The following SIGLEC15 variants were observed in gnomAD, a reference collection of about 807,000 sequenced individuals.
The protein encoded by SIGLEC15 is sialic acid-binding Ig-like lectin 15.
In SIGLEC15, 31 loss-of-function variants were observed where a neutral mutation model predicts 26.2. The observed-to-expected ratio is 1.18, with a 90% CI of 0.89 to 1.60. The LOEUF (loss-of-function observed/expected upper bound fraction) is 1.60. Among genes scored for constraint, SIGLEC15 ranks in the 40% most tolerant of loss-of-function variants. The pLI is 0.00. For missense variants in SIGLEC15, 501 were observed against 488.4 expected (o/e 1.03, Z -0.24); for synonymous variants, 207 against 221.9 (o/e 0.93, Z 0.60).
intron 1 of SIGLEC15, among the ~76,000 whole-genome samples, chr18:45,833,884 G>A (rs969964800): frequency 6.6e-6 from 1 of 151,968 alleles, no homozygotes; most frequent in African/African-American, 2.4e-5. Flanking sequence ...ATACAGAGGT[G>A]AACAAATTAA....
intron 3 of SIGLEC15, 105 bp downstream of exon 3, chr18:45,838,001 C>CAACG: frequency 7.5e-7 from 1 of 1,328,412 alleles, no homozygotes; most frequent in Non-Finnish European, 9.7e-7. Flanking sequence ...CCAGGAAGGG[C>CAACG]AACGAGACCC....
In SIGLEC15 at chr18:45,840,213, C is replaced by A. The variant is rs765753007; in HGVS notation, c.877C>A (p.His293Asn). 2.5e-6 allele frequency: 4 copies of A among 1,613,126 alleles called. No homozygotes were observed. The highest frequency in any genetic ancestry group is 1.3e-5 in the African/African-American group (1 of 74,878). Reference protein sequence around the residue: ...AARAARRRPEHLDTPDTPPRS... With the variant: ...AARAARRRPENLDTPDTPPRS... ...CTCTCTTGCTGTCCCTCCCACAGAGCATCTGGACACCCCGGACACCCCACC... is the reference window on the plus strand; with the variant it reads ...CTCTCTTGCTGTCCCTCCCACAGAGAATCTGGACACCCCGGACACCCCACC... The change falls in exon 5 of 6, where the codon CAT becomes AAT. Residue 293 changes from histidine to asparagine, a missense_variant and splice_region_variant. By Grantham distance (68) the His-to-Asn change is moderately conservative. Coordinates refer to ENST00000389474, the MANE Select transcript of SIGLEC15 (RefSeq NM_213602.3).
At chr18:45,838,543 A>G in intron 3 of SIGLEC15, 175 bp from the exon 4 acceptor site, 1 of 817,732 alleles carries the variant, frequency 1.2e-6, no homozygotes, top group Non-Finnish European at 1.8e-6. Context: ...GGAGAAGCAG[A>G]AGCAGAGATG....
Position 45,843,373 on chromosome 18 carries a change from T to C in SIGLEC15, c.*1186T>C, listed in dbSNP as rs2048341368. The C allele has an allele frequency of 6.6e-6, 1 of 152,150 alleles. No individual in the cohort carries two copies. The highest frequency in any genetic ancestry group is 2.1e-4 in the South Asian group (1 of 4,826). 9.4% of individuals were successfully genotyped at this position (152,150 alleles called of 1,614,324 possible). On this transcript the variant is annotated 3_prime_UTR_variant, in exon 6 of 6. Coordinates refer to ENST00000389474, the MANE Select transcript of SIGLEC15 (RefSeq NM_213602.3). ...GGGAGAGGAGGGAGGCATGCCTGGG[T>C]CCCAGGTAAGCTGGCAAGAGGAAAG...
intron 4 of SIGLEC15, among the ~76,000 whole-genome samples, chr18:45,839,655 C>G (rs1232427128): frequency 6.6e-6 from 1 of 152,170 alleles, no homozygotes; most frequent in African/African-American, 2.4e-5. Flanking sequence ...TCACACAAGC[C>G]GTGCTGGGAG....
intron 1 of SIGLEC15, among the ~76,000 whole-genome samples, chr18:45,829,936 C>G (rs1485392739): frequency 6.6e-6 from 1 of 152,196 alleles, no homozygotes; most frequent in African/African-American, 2.4e-5. Context: ...TCTGTAAGGG[C>G]ACCCCCTCTG....
intron 1 of SIGLEC15, among the ~76,000 whole-genome samples, chr18:45,831,130 G>A (rs2048231923): frequency 6.6e-6 from 1 of 152,132 alleles, no homozygotes. Flanking sequence ...CACTCTGAGG[G>A]GCATGCCACC....
chr18:45,826,165 G>A (rs1389912647), intron 1 of SIGLEC15, among the ~76,000 whole-genome samples: 1 of 152,154 alleles, frequency 6.6e-6, no homozygotes, highest in Non-Finnish European at 1.5e-5. Flanking sequence ...CACAGCCTGA[G>A]GAAGAAGGGC....
At chr18:45,836,698 T>G (rs1158900346) in intron 1 of SIGLEC15, among the ~76,000 whole-genome samples, 1 of 152,212 alleles carries the variant, frequency 6.6e-6, no homozygotes, top group East Asian at 1.9e-4. Flanking sequence ...CTCAGCTCCC[T>G]CCCTGCCCAG....
intron 1 of SIGLEC15, among the ~76,000 whole-genome samples, chr18:45,836,472 C>A (rs893248490): frequency 2.0e-5 from 3 of 152,092 alleles, no homozygotes; most frequent in Non-Finnish European, 2.9e-5. Flanking sequence ...CTGGCCTTAT[C>A]CTCTGAGGCG....
At chr18:45,836,951 G>A (rs2048280421) in intron 1 of SIGLEC15, 78 bp from the exon 2 acceptor site, 1 of 809,480 alleles carries the variant, frequency 1.2e-6, no homozygotes, top group Admixed American at 1.7e-5. Context: ...CATGCTGGCA[G>A]TGTGACTTCA....
At chr18:45,833,732 C>T (rs1383301930) in intron 1 of SIGLEC15, among the ~76,000 whole-genome samples, 1 of 152,148 alleles carries the variant, frequency 6.6e-6, no homozygotes, top group African/African-American at 2.4e-5. Context: ...GTTGCTGTTG[C>T]TGTTAGTTCA....
intron 4 of SIGLEC15, among the ~76,000 whole-genome samples, chr18:45,839,478 G>A (rs148033513): frequency 3.1e-4 from 47 of 152,242 alleles, no homozygotes; most frequent in African/African-American, 9.6e-4. Context: ...TGCTGTGTGG[G>A]TGCTAGGAAT....
At chr18:45,826,313 A>C (rs535930349) in intron 1 of SIGLEC15, among the ~76,000 whole-genome samples, 1 of 152,312 alleles carries the variant, frequency 6.6e-6, no homozygotes, top group Admixed American at 6.5e-5. Context: ...GGTTTAAGCA[A>C]CAATGTCATC....
rs752685791 is a variant in SIGLEC15 at position 45,838,954 on chromosome 18, C to T, written c.733C>T (p.Arg245Cys). ...YTCTAANSLG[R>C]SEASVYLFRF... The stretch of plus-strand genomic sequence containing the variant: ...GTGTACGGCCGCCAACAGCCTGGGC[C>T]GCTCCGAGGCCAGCGTCTACCTGTT... Residue 245 changes from arginine to cysteine, a missense_variant, in exon 4 of 6, where the codon CGC becomes TGC. Transcript: ENST00000389474. 5.6e-6 allele frequency: 9 copies of T among 1,604,862 alleles called. No homozygotes were observed. Among genetic ancestry groups the T allele is most frequent in the Non-Finnish European group, 7.6e-6 (9 of 1,178,462 alleles).
chr18:45,826,717 T>G (rs756094734), intron 1 of SIGLEC15, among the ~76,000 whole-genome samples: 3 of 152,078 alleles, frequency 2.0e-5, no homozygotes, highest in Non-Finnish European at 4.4e-5. Context: ...CTGTATGGGG[T>G]CCTGGCTCCA....
rs1380908665 is a variant in SIGLEC15 at position 45,842,969 on chromosome 18, G to C, written c.*782G>C. On this transcript the variant is annotated 3_prime_UTR_variant, in exon 6 of 6. Transcript: ENST00000389474. The stretch of plus-strand genomic sequence containing the variant: ...GAGAGGCCTGGGGCCTTTACCCCAT[G>C]CCCCCTGGGATCTCCACTGTGACTG... The C allele has an allele frequency of 6.6e-6, 1 of 152,354 alleles. No individual in the cohort carries two copies. The highest frequency in any genetic ancestry group is 1.5e-5 in the Non-Finnish European group (1 of 68,168). The allele number at this position is 152,354 out of a possible 1,614,324, so 9.4% of individuals were successfully genotyped here. A position where few individuals can be genotyped will look rare whatever the true frequency, so the allele number is the denominator to read the frequency against.
At chr18:45,832,904 C>G (rs1795404901) in intron 1 of SIGLEC15, among the ~76,000 whole-genome samples, 1 of 152,180 alleles carries the variant, frequency 6.6e-6, no homozygotes. Flanking sequence ...ATCCAAAGGT[C>G]TCTGTGTAAG....
chr18:45,832,871 C>T (rs547518183), intron 1 of SIGLEC15, among the ~76,000 whole-genome samples: 1 of 152,322 alleles, frequency 6.6e-6, no homozygotes, highest in South Asian at 2.1e-4. Context: ...CCCACCCTCA[C>T]CCTGAGTCCT....
Sources: gnomAD v4.1 joint callset for allele counts (sites outside exome capture counted in the v4.1 genomes callset) on GRCh38, gnomAD v4.1.1 for gene constraint, MANE v1.5 for transcripts, NCBI Gene and HGNC (gene_info 2026-07-23, HGNC 2026-07-21) for gene names.